The following NEK9 variants were observed in gnomAD, a reference collection of about 807,000 sequenced individuals.
NEK9 encodes the protein NIMA related kinase 9.
NEK9 carries 75 observed loss-of-function variants against 123.4 expected under a neutral mutation model. The ratio of observed to expected loss-of-function variants is 0.61; its 90% CI spans 0.50 to 0.74. NEK9 has a LOEUF of 0.74. NEK9 is among the 30% of genes least tolerant of loss of function. The probability of loss-of-function intolerance (pLI) is 0.00; values close to 1 mark genes in which losing one functional copy is unlikely to be tolerated. For missense variants in NEK9, 952 were observed against 1,214.4 expected (o/e 0.78, Z 3.21); for synonymous variants, 438 against 458.7 (o/e 0.95, Z 0.58).
intron 16 of NEK9, among the ~76,000 whole-genome samples, chr14:75,097,576 T>A (rs1400212775): frequency 6.6e-6 from 1 of 152,172 alleles, no homozygotes; most frequent in Non-Finnish European, 1.5e-5. Flanking sequence ...AGGTACTGCA[T>A]GGGGTGATAG....
rs1332255548 is a variant in NEK9, at chr14:75,082,999, T to C, written c.*1565A>G. On this transcript the variant is annotated 3_prime_UTR_variant, in exon 22 of 22. Transcript: ENST00000238616. ...GAACATCAAACCAAAGAAGATCCCA[T>C]TGAACAGAGTTGCCTGTCCCGAGCA... 2.5e-6 allele frequency: 1 copy of C among 398,500 alleles called. No homozygotes were observed. Among genetic ancestry groups the C allele is most frequent in the African/African-American group, 2.1e-5 (1 of 48,638 alleles). The allele number at this position is 398,500 out of a possible 1,614,324, so 24.7% of individuals were successfully genotyped here.
At chr14:75,097,294 A>G (rs1305490821) in intron 16 of NEK9, 24 bp from the exon 17 acceptor site, 1 of 1,550,620 alleles carries the variant, frequency 6.4e-7, no homozygotes. Context: ...TAAACAGTAG[A>G]CCATTTAACA....
chr14:75,103,992 A>G lies in NEK9; in HGVS notation c.1581T>C (p.Asp527=), dbSNP rs763505885. ...EEDYYTPQKV[D]VPKALIIVAV... ...CAACAATAATCAAGGCCTTGGGAAC[A>G]TCCACCTGCAAGAAAAAAATCAGAA... The change falls in exon 14 of 22, where the codon GAT becomes GAC. Residue 527 remains aspartate (D), a synonymous_variant. Transcript: ENST00000238616. 1 of 1,602,464 alleles carries G rather than the reference A, an allele frequency of 6.2e-7. No individual in the cohort carries two copies. Among genetic ancestry groups the G allele is most frequent in the South Asian group, 1.1e-5 (1 of 88,556 alleles).
At chr14:75,102,772 T>C (rs1450238210) in intron 14 of NEK9, among the ~76,000 whole-genome samples, 1 of 152,212 alleles carries the variant, frequency 6.6e-6, no homozygotes, top group Non-Finnish European at 1.5e-5. Context: ...ACCTTTTTCA[T>C]TGAGTCAGAA....
intron 4 of NEK9, among the ~76,000 whole-genome samples, chr14:75,119,855 T>C (rs1895266439): frequency 6.6e-6 from 1 of 152,228 alleles, no homozygotes; most frequent in Admixed American, 6.5e-5. Context: ...ACAATATACT[T>C]TGTTACTTTT....
chr14:75,111,900 A>C (rs866945290), intron 8 of NEK9, among the ~76,000 whole-genome samples: 8 of 152,302 alleles, frequency 5.3e-5, no homozygotes, highest in Non-Finnish European at 7.4e-5. Context: ...AAGTAAATAA[A>C]AGTAAATAAA....
intron 13 of NEK9, 51 bp from the exon 14 acceptor site, chr14:75,104,048 GA>G (rs1212808315): frequency 3.3e-6 from 5 of 1,528,256 alleles, no homozygotes; most frequent in Non-Finnish European, 4.4e-6. Context: ...ATTCGTATTA[GA>G]AAAAAAGCTC....
rs1894580772 is a variant in NEK9, at chr14:75,101,579, A to G, written c.1840+78T>C. 3.3e-6 allele frequency: 3 copies of G among 920,224 alleles called. 1 individual carries two copies. The Admixed American group carries it at 6.8e-5, about 21-fold the overall frequency. 57.0% of individuals were successfully genotyped at this position (920,224 alleles called of 1,614,324 possible). A position where few individuals can be genotyped will look rare whatever the true frequency, so the allele number is the denominator to read the frequency against. ...CAGGGGAAATCGGGATGATATACAT[A>G]TAAAGAAAACCTAATACCTGATAGA... On this transcript the variant is annotated intron_variant, in intron 15 of 21. Transcript: ENST00000238616.
intron 1 of NEK9, among the ~76,000 whole-genome samples, chr14:75,125,537 T>C (rs1895494199): frequency 6.6e-6 from 1 of 152,220 alleles, no homozygotes; most frequent in African/African-American, 2.4e-5. Flanking sequence ...GATTTACTTG[T>C]AACTTAAGTG....
intron 17 of NEK9, 189 bp downstream of exon 17, chr14:75,096,911 G>T: frequency 2.4e-6 from 1 of 423,952 alleles, no homozygotes. Flanking sequence ...AGAGATGGCA[G>T]ATAGCAAAGC....
At chr14:75,111,692 A>T (rs1894962881) in intron 8 of NEK9, among the ~76,000 whole-genome samples, 1 of 152,170 alleles carries the variant, frequency 6.6e-6, no homozygotes, top group Non-Finnish European at 1.5e-5. Flanking sequence ...GGAGTTCGAG[A>T]CTAGCCTGGC....
chr14:75,118,938 GA>G lies in NEK9; in HGVS notation c.525-4del, dbSNP rs201744973. Reference sequence around the variant, plus strand: ...AAATATTTAATGTCTTTATATCTCTGAAAAAAAAAGATGCTGCAAATTAAGT... The same window carrying G: ...AAATATTTAATGTCTTTATATCTCTGAAAAAAAAGATGCTGCAAATTAAGT... On this transcript the variant is annotated splice_polypyrimidine_tract_variant and splice_region_variant and intron_variant, in intron 4 of 21. Coordinates refer to ENST00000238616, the MANE Select transcript of NEK9 (RefSeq NM_033116.6). 1.4e-4 allele frequency: 189 copies of G among 1,345,002 alleles called. No homozygotes were observed. Among genetic ancestry groups the G allele is most frequent in the Non-Finnish European group, 1.6e-4 (150 of 950,240 alleles). The allele number at this position is 1,345,002 out of a possible 1,614,324, so 83.3% of individuals were successfully genotyped here.
chr14:75,091,181 C>T (rs1275236388), intron 19 of NEK9, 89 bp downstream of exon 19: 1 of 1,120,062 alleles, frequency 8.9e-7, no homozygotes, highest in Admixed American at 2.6e-5. Context: ...TTACTAGGTA[C>T]TTGGAAAACT....
At chr14:75,120,894 G>GCTC (rs1449517197) in intron 3 of NEK9, 3 of 640,454 alleles carry the variant, frequency 4.7e-6, no homozygotes, top group Non-Finnish European at 8.4e-6. Context: ...ATAGAACCAG[G>GCTC]AAAGAAAGCC....
intron 1 of NEK9, among the ~76,000 whole-genome samples, chr14:75,126,414 AG>A (rs1163376128): frequency 6.6e-6 from 1 of 152,178 alleles, no homozygotes; most frequent in East Asian, 1.9e-4. Context: ...TAAAAAAAAA[AG>A]AAAAAGATGA....
chr14:75,119,135 G>A (rs1337135611), intron 4 of NEK9, among the ~76,000 whole-genome samples, 200 bp from the exon 5 acceptor site: 1 of 151,996 alleles, frequency 6.6e-6, no homozygotes, highest in African/African-American at 2.4e-5. Context: ...GGGCAACATG[G>A]TGAGACCCCA....
rs1174352041 is a variant in NEK9, at chr14:75,107,387, A to G, written c.1283T>C (p.Ile428Thr). 6.2e-7 allele frequency: 1 copy of G among 1,613,960 alleles called. No individual in the cohort carries two copies. Residue 428 changes from isoleucine to threonine, a missense_variant, in exon 11 of 22, where the codon ATC becomes ACC. Coordinates refer to ENST00000238616, the MANE Select transcript of NEK9 (RefSeq NM_033116.6). ...ATCATCACCACATGACACCTGACGGATAGCTTTGCCTTGCAACTTTTCCAC... is the reference window on the plus strand; with the variant it reads ...ATCATCACCACATGACACCTGACGGGTAGCTTTGCCTTGCAACTTTTCCAC... ...KHVEKLQGKA[I>T]RQVSCGDDFT... is the part of the protein sequence containing the mutation.
At position 75,106,496 on chromosome 14, in the gene NEK9, C is replaced by T. The variant is rs1445534368; in HGVS notation, c.1528+6G>A. The T allele has an allele frequency of 3.1e-6, 5 of 1,613,740 alleles. No homozygotes were observed. The highest frequency in any genetic ancestry group is 4.2e-6 in the Non-Finnish European group (5 of 1,179,918). On this transcript the variant is annotated splice_donor_region_variant and intron_variant, in intron 12 of 21. Transcript: ENST00000238616. ...AAGAAGTGGACAGAGACAAGGCTAC[C>T]CCTACCATATTCGCCACAGCCCCAA...
rs935698450 is a variant in NEK9 at position 75,081,110 on chromosome 14, AT to A, written c.*3453del. Reference sequence around the variant, plus strand: ...AGGCACCTGCCACAACACCCAGCTAATTTTTTTGTATTTTTAGTAGAGACGG... The same window carrying A: ...AGGCACCTGCCACAACACCCAGCTAATTTTTTGTATTTTTAGTAGAGACGG... On this transcript the variant is annotated 3_prime_UTR_variant, in exon 22 of 22. Transcript: ENST00000238616. The surrounding 1 kb of genome is among the most constrained non-coding windows in gnomAD (Gnocchi z 4.2). 4.5e-4 allele frequency: 67 copies of A among 147,596 alleles called. No individual in the cohort carries two copies. Among genetic ancestry groups the A allele is most frequent in the Admixed American group, 1.6e-3 (24 of 14,700 alleles). The allele number at this position is 147,596 out of a possible 1,614,324, so 9.1% of individuals were successfully genotyped here.
Sources: allele counts gnomAD v4.1 joint callset (sites outside exome capture counted in the v4.1 genomes callset), GRCh38; gene constraint gnomAD v4.1.1; non-coding constraint Gnocchi (gnomAD v3.1); transcripts MANE v1.5; gene names NCBI Gene and HGNC (gene_info 2026-07-23, HGNC 2026-07-21).